The following ATXN7 variants were observed in gnomAD, a reference collection of about 807,000 sequenced individuals.
ATXN7 encodes the protein ataxin 7.
ATXN7 carries 12 observed loss-of-function variants against 70.5 expected under a neutral mutation model. The ratio of observed to expected loss-of-function variants is 0.17; its 90% confidence interval spans 0.11 to 0.28. ATXN7 has a LOEUF of 0.28. ATXN7 is among the 10% of genes least tolerant of loss of function. The pLI, the probability that ATXN7 is intolerant of heterozygous loss-of-function variation, is 1.00. For missense variants in ATXN7, 1,256 were observed against 1,131.7 expected (o/e 1.11, Z -1.58); for synonymous variants, 498 against 448.7 (o/e 1.11, Z -1.39).
At chr3:63,934,747 G>A (rs1434621442) in intron 4 of ATXN7, among the ~76,000 whole-genome samples, 1 of 152,174 alleles carries the variant, frequency 6.6e-6, no homozygotes, top group Non-Finnish European at 1.5e-5. Flanking sequence ...TCCTCAAAGT[G>A]GGCATGGATT....
intron 2 of ATXN7, among the ~76,000 whole-genome samples, chr3:63,903,172 A>C (rs978829807): frequency 2.0e-5 from 3 of 152,094 alleles, no homozygotes; most frequent in East Asian, 3.9e-4. Context: ...AGGCGGGAGG[A>C]TCACGAGGTC....
chr3:63,951,837 G>T (rs1406006001), intron 4 of ATXN7, among the ~76,000 whole-genome samples: 5 of 152,142 alleles, frequency 3.3e-5, no homozygotes, highest in Admixed American at 6.5e-5. Flanking sequence ...TGCCTTTCTG[G>T]TGGCATTAGT....
In ATXN7 at chr3:63,995,441, C is replaced by G; in HGVS notation, c.1683-64C>G. On this transcript the variant is annotated intron_variant, in intron 11 of 12. Coordinates refer to ENST00000674280, the MANE Select transcript of ATXN7 (RefSeq NM_001377405.1). The stretch of plus-strand genomic sequence containing the variant: ...TTTGTCACAAGCAAAGAGGGTGGTG[C>G]CATCTGAAAGTCTCTGTGAATGGCT... The G allele has an allele frequency of 1.3e-6, 2 of 1,562,538 alleles. 1 individual carries two copies.
At chr3:63,973,824 C>T (rs1030614828) in intron 5 of ATXN7, among the ~76,000 whole-genome samples, 6 of 151,854 alleles carry the variant, frequency 4.0e-5, no homozygotes, top group African/African-American at 1.5e-4. Flanking sequence ...TTTATGGACT[C>T]AGAATGGGGA....
chr3:63,881,876 A>G (rs1397611253), intron 1 of ATXN7, among the ~76,000 whole-genome samples: 2 of 152,200 alleles, frequency 1.3e-5, no homozygotes, highest in Non-Finnish European at 2.9e-5. Flanking sequence ...GGGCCAGGCT[A>G]GGCCAGGGAG....
intron 1 of ATXN7, among the ~76,000 whole-genome samples, chr3:63,871,056 TCTAA>T (rs1702578847): frequency 6.6e-6 from 1 of 152,196 alleles, no homozygotes; most frequent in African/African-American, 2.4e-5. Context: ...TGATAACTGC[TCTAA>T]CTGATTGGTT....
chr3:63,872,018 T>C (rs1333023356), intron 1 of ATXN7, among the ~76,000 whole-genome samples: 1 of 152,208 alleles, frequency 6.6e-6, no homozygotes, highest in African/African-American at 2.4e-5. Context: ...TTCACTTCAG[T>C]TATTTTGGCT....
In ATXN7 at chr3:63,995,912, G is replaced by A. The variant is rs768151388; in HGVS notation, c.2090G>A (p.Ser697Asn). The change falls in exon 12 of 13, where the codon AGC becomes AAC. Residue 697 changes from serine to asparagine, a missense_variant. Coordinates refer to ENST00000674280, the MANE Select transcript of ATXN7 (RefSeq NM_001377405.1). ...AGCACTAACTGTCAAAATGCCAGTA[G>A]CAGTACCAGTGGCGGCTCAGGAAAG... ...GNSTNCQNAS[S>N]STSGGSGKKR... 1.9e-6 allele frequency: 3 copies of A among 1,614,094 alleles called. No homozygotes were observed. The highest frequency in any genetic ancestry group is 4.5e-5 in the East Asian group (2 of 44,890).
intron 5 of ATXN7, among the ~76,000 whole-genome samples, chr3:63,965,980 CGTTT>C (rs759959955): frequency 1.3e-5 from 2 of 152,226 alleles, no homozygotes; most frequent in Non-Finnish European, 2.9e-5. Context: ...TAAATATAGA[CGTTT>C]GTTTGTAGCA....
At chr3:63,951,796 T>C (rs1054066318) in intron 4 of ATXN7, among the ~76,000 whole-genome samples, 2 of 152,242 alleles carry the variant, frequency 1.3e-5, no homozygotes, top group Non-Finnish European at 2.9e-5. Flanking sequence ...CTGATTAATA[T>C]ATGAAATGCT....
At chr3:63,927,132 G>A (rs189221512) in intron 4 of ATXN7, among the ~76,000 whole-genome samples, 146 of 152,274 alleles carry the variant, frequency 9.6e-4, no homozygotes, top group African/African-American at 3.2e-3. Flanking sequence ...ATACGTGTAC[G>A]TGTGCCTTTA....
At position 63,980,028 on chromosome 3, in the gene ATXN7, C is replaced by T. The variant is rs201993621; in HGVS notation, c.613C>T (p.Arg205Cys). 17 of 1,614,166 alleles carry T rather than the reference C, an allele frequency of 1.1e-5. No homozygotes were observed. The highest frequency in any genetic ancestry group is 1.3e-5 in the African/African-American group (1 of 75,052). The change falls in exon 6 of 13, where the codon CGT becomes TGT. Residue 205 changes from arginine to cysteine, a missense_variant. Coordinates refer to ENST00000674280, the MANE Select transcript of ATXN7 (RefSeq NM_001377405.1). ...AGGAGGCAGTGCAAGTGGAAGCAAC[C>T]GTTCTTCCAGTGGAGGTGTTCTTAG... is the stretch of plus-strand genomic sequence containing the variant. ...SKGGSASGSNRSSSGGVLSAS... is the reference protein window; with the variant it reads ...SKGGSASGSNCSSSGGVLSAS...
chr3:63,897,431 A>G (rs956314313), intron 1 of ATXN7, among the ~76,000 whole-genome samples: 5 of 152,220 alleles, frequency 3.3e-5, no homozygotes, highest in Non-Finnish European at 5.9e-5. Flanking sequence ...ATTATGAGTA[A>G]ATGTTCAAAA....
At chr3:63,946,239 G>C (rs2074857463) in intron 4 of ATXN7, among the ~76,000 whole-genome samples, 2 of 152,152 alleles carry the variant, frequency 1.3e-5, no homozygotes, top group African/African-American at 4.8e-5. Flanking sequence ...GGTATGAGTA[G>C]GAGCCTAGCA....
At chr3:63,893,984 G>A (rs1049994803) in intron 1 of ATXN7, among the ~76,000 whole-genome samples, 1 of 152,172 alleles carries the variant, frequency 6.6e-6, no homozygotes, top group African/African-American at 2.4e-5. Flanking sequence ...TATGACTGCA[G>A]TTTATATATA....
intron 2 of ATXN7, chr3:63,911,538 AC>A: frequency 6.6e-6 from 1 of 152,312 alleles, no homozygotes; most frequent in East Asian, 1.9e-4. Flanking sequence ...TCAGATTTTT[AC>A]TTTTGGGGTG....
intron 4 of ATXN7, among the ~76,000 whole-genome samples, chr3:63,932,211 G>A (rs1575914664): frequency 6.6e-6 from 1 of 152,034 alleles, no homozygotes; most frequent in Non-Finnish European, 1.5e-5. Flanking sequence ...TTTTAATTTG[G>A]TTTCTAAATG....
chr3:63,902,429 A>G (rs1183867751), intron 2 of ATXN7, among the ~76,000 whole-genome samples: 1 of 152,140 alleles, frequency 6.6e-6, no homozygotes, highest in South Asian at 2.1e-4. Context: ...TAAATAAATA[A>G]TAAAATGGTG....
chr3:63,919,830 A>T (rs1193020826), intron 4 of ATXN7, among the ~76,000 whole-genome samples: 4 of 143,380 alleles, frequency 2.8e-5, no homozygotes, highest in Non-Finnish European at 6.0e-5. Context: ...CATACAGAGC[A>T]CGAATAGCGC....
Sources: allele counts gnomAD v4.1 joint callset (sites outside exome capture counted in the v4.1 genomes callset), GRCh38; gene constraint gnomAD v4.1.1; transcripts MANE v1.5; gene names NCBI Gene and HGNC (gene_info 2026-07-23, HGNC 2026-07-21).